The following AGBL1 variants were observed in gnomAD, a reference collection of about 807,000 sequenced individuals.
The protein encoded by AGBL1 is AGBL carboxypeptidase 1, also known as cytosolic carboxypeptidase 4.
In AGBL1, 130 loss-of-function variants were observed where a neutral mutation model predicts 118.9. That is an observed-to-expected ratio of 1.09 (90% CI 0.95 to 1.26). The LOEUF is 1.26. Ranked by LOEUF, AGBL1 falls within the 50% of genes most tolerant of loss-of-function variation. The pLI, the probability that AGBL1 is intolerant of heterozygous loss-of-function variation, is 0.00. For synonymous variants in AGBL1, 555 were observed against 478.9 expected, an observed-to-expected ratio of 1.16 and a Z score of -2.08; for missense variants, 1,584 against 1,298.1, an observed-to-expected ratio of 1.22 and a Z score of -3.38.
intron 17 of AGBL1, among the ~76,000 whole-genome samples, chr15:86,373,093 C>T (rs936724045): frequency 8.5e-5 from 13 of 152,204 alleles, no homozygotes; most frequent in African/African-American, 2.9e-4. Flanking sequence ...ACATCCCCTT[C>T]AAATAGCATG....
chr15:86,699,850 C>G (rs983895927), intron 22 of AGBL1, among the ~76,000 whole-genome samples: 3 of 152,040 alleles, frequency 2.0e-5, no homozygotes, highest in African/African-American at 7.2e-5. Context: ...TTGTGAGATG[C>G]TACCCTGAGA....
chr15:86,100,886 TATTA>T (rs1376541687), intron 1 of AGBL1, among the ~76,000 whole-genome samples: 9 of 152,278 alleles, frequency 5.9e-5, no homozygotes, highest in Admixed American at 4.6e-4. Context: ...TTCTGATCTT[TATTA>T]GTCATTTCCT....
chr15:86,246,244 TA>T (rs1471282405), intron 6 of AGBL1, among the ~76,000 whole-genome samples: 2 of 152,114 alleles, frequency 1.3e-5, no homozygotes, highest in Non-Finnish European at 2.9e-5. Flanking sequence ...AAGCCACTGA[TA>T]GGGGGTAAAG....
In AGBL1 at chr15:86,883,910, C is replaced by A. The variant is rs369755869; in HGVS notation, c.3159-23177C>A. 1.2e-4 allele frequency among the ~76,000 whole-genome samples: 18 copies of A among 152,166 alleles called. No homozygotes were observed. The East Asian group carries it at 2.7e-3, about 23-fold the overall frequency. On this transcript the variant is annotated intron_variant, in intron 22 of 22. Transcript: ENST00000614907. ...GAACCAGAATATGTATACAGTAGTC[C>A]CTCCTTTCCATGAGGGATAAGTTCT...
chr15:86,256,484 A>G (rs899343669), intron 7 of AGBL1, among the ~76,000 whole-genome samples: 1 of 152,236 alleles, frequency 6.6e-6, no homozygotes, highest in African/African-American at 2.4e-5. Context: ...ACAGTGACAC[A>G]TGGGTGGCTG....
intron 17 of AGBL1, among the ~76,000 whole-genome samples, chr15:86,327,643 C>G (rs1010319402): frequency 6.6e-6 from 1 of 152,192 alleles, no homozygotes; most frequent in Non-Finnish European, 1.5e-5. Context: ...TTTTTCTATA[C>G]ACGAACCATT....
chr15:86,604,401 C>T (rs919665473), intron 21 of AGBL1, among the ~76,000 whole-genome samples: 2 of 152,096 alleles, frequency 1.3e-5, no homozygotes, highest in Non-Finnish European at 2.9e-5. Flanking sequence ...AAATTTTCAT[C>T]GAGGTTATGG....
chr15:86,079,957 A>G lies in AGBL1; in HGVS notation c.-16A>G. 1 of 1,232,172 alleles carries G rather than the reference A, an allele frequency of 8.1e-7. No homozygotes were observed. Among genetic ancestry groups the G allele is most frequent in the Non-Finnish European group, 1.0e-6 (1 of 987,954 alleles). The allele number at this position is 1,232,172 out of a possible 1,614,324, so 76.3% of individuals were successfully genotyped here. A position where few individuals can be genotyped will look rare whatever the true frequency, so the allele number is the denominator to read the frequency against. ...ATCTGGCCGCAGGCAGCGGTTCCCTAGGACCCGAGAAAAGGATGGCCGAAC... is the reference window on the plus strand; with the variant it reads ...ATCTGGCCGCAGGCAGCGGTTCCCTGGGACCCGAGAAAAGGATGGCCGAAC... On this transcript the variant is annotated 5_prime_UTR_variant, in exon 1 of 23. Transcript: ENST00000614907.
intron 1 of AGBL1, among the ~76,000 whole-genome samples, chr15:86,120,145 A>T (rs1898006568): frequency 2.0e-5 from 3 of 152,096 alleles, no homozygotes; most frequent in Non-Finnish European, 1.5e-5. Flanking sequence ...TAAACTCCCC[A>T]TCCTGCCTTC....
At chr15:86,205,982 C>G (rs115290058) in intron 5 of AGBL1, among the ~76,000 whole-genome samples, 1 of 152,098 alleles carries the variant, frequency 6.6e-6, no homozygotes, top group Non-Finnish European at 1.5e-5. Context: ...TCCCCCTGCC[C>G]GCTACCCCAC....
chr15:86,820,165 A>T (rs1264232401), intron 22 of AGBL1, among the ~76,000 whole-genome samples: 2 of 152,110 alleles, frequency 1.3e-5, no homozygotes, highest in African/African-American at 4.8e-5. Flanking sequence ...AGACTTAAAC[A>T]TAAGACTTAA....
rs779529090 is a variant in AGBL1 at position 86,287,949 on chromosome 15, C to CTTTATTTATTT, written c.2221-7306_2221-7305insTTTATTTATTT. On this transcript the variant is annotated intron_variant, in intron 16 of 22. Transcript: ENST00000614907. Reference sequence around the variant, plus strand: ...TGAAATATTAAAGAATCTGAAGAATCCTGCATCCACAGAAATATTTTCATT... The same window carrying CTTTATTTATTT: ...TGAAATATTAAAGAATCTGAAGAATCTTTATTTATTTCTGCATCCACAGAAATATTTTCATT... Among the ~76,000 whole-genome samples the CTTTATTTATTT allele has an allele frequency of 8.5e-3, 1,292 of 152,286 alleles. 5 individuals carry two copies. Among genetic ancestry groups the CTTTATTTATTT allele is most frequent in the Non-Finnish European group, 0.013 (882 of 68,004 alleles).
At chr15:86,229,421 C>G (rs1345273331) in intron 6 of AGBL1, among the ~76,000 whole-genome samples, 3 of 152,138 alleles carry the variant, frequency 2.0e-5, no homozygotes, top group African/African-American at 7.2e-5. Flanking sequence ...CTCATGAGAA[C>G]TCACTCACTA....
chr15:86,427,626 G>C (rs780131675), intron 18 of AGBL1, among the ~76,000 whole-genome samples: 1 of 150,970 alleles, frequency 6.6e-6, no homozygotes, highest in Non-Finnish European at 1.5e-5. Flanking sequence ...ACTATTTATA[G>C]TAGTTTTCAT....
chr15:86,701,143 G>A (rs955110651), intron 22 of AGBL1, among the ~76,000 whole-genome samples: 1 of 152,124 alleles, frequency 6.6e-6, no homozygotes, highest in Admixed American at 6.6e-5. Context: ...TTTTGTGCCT[G>A]CTTTGGAAAG....
intron 17 of AGBL1, among the ~76,000 whole-genome samples, chr15:86,301,283 A>T (rs1474795816): frequency 2.6e-5 from 4 of 152,052 alleles, no homozygotes; most frequent in Non-Finnish European, 5.9e-5. Flanking sequence ...TGATTTCTCA[A>T]TTGCTGGTGA....
rs182372221 is a variant in AGBL1 at position 86,915,824 on chromosome 15, C to T, written c.*8530C>T. On this transcript the variant is annotated 3_prime_UTR_variant, in exon 23 of 23. Coordinates refer to ENST00000614907, the MANE Select transcript of AGBL1 (RefSeq NM_001386094.1). Reference sequence around the variant, plus strand: ...GGTCTCCTGAGAATGACCTCCTACCCGTTGCCTCAGTAACCTCTTACGCAT... The same window carrying T: ...GGTCTCCTGAGAATGACCTCCTACCTGTTGCCTCAGTAACCTCTTACGCAT... The T allele has an allele frequency of 5.9e-5, 9 of 152,296 alleles. No individual in the cohort carries two copies. The highest frequency in any genetic ancestry group is 2.6e-4 in the Admixed American group (4 of 15,284). 9.4% of individuals were successfully genotyped at this position (152,296 alleles called of 1,614,324 possible). A position where few individuals can be genotyped will look rare whatever the true frequency, so the allele number is the denominator to read the frequency against.
Position 86,397,566 on chromosome 15 carries a change from C to T in AGBL1, c.2555+20C>T, listed in dbSNP as rs1296019743. On this transcript the variant is annotated intron_variant, in intron 18 of 22. Coordinates refer to ENST00000614907, the MANE Select transcript of AGBL1 (RefSeq NM_001386094.1). ...CGGCAAGTATGTCAGGCACCTGGCT[C>T]AGCCAAACCCACAATTATGCTACCA... The T allele has an allele frequency of 1.3e-6, 2 of 1,584,984 alleles. No homozygotes were observed.
chr15:86,721,490 G>A (rs1452397355), intron 22 of AGBL1, among the ~76,000 whole-genome samples: 1 of 152,138 alleles, frequency 6.6e-6, no homozygotes, highest in African/African-American at 2.4e-5. Context: ...GGTATTGATG[G>A]AATATATCTC....
Sources: allele counts gnomAD v4.1 joint callset (sites outside exome capture counted in the v4.1 genomes callset), GRCh38; gene constraint gnomAD v4.1.1; transcripts MANE v1.5; gene names NCBI Gene and HGNC (gene_info 2026-07-23, HGNC 2026-07-21).